Variants in DCUN1D2 observed in about 807,000 individuals in gnomAD.
The protein encoded by DCUN1D2 is DCN1-like protein 2.
A neutral mutation model predicts 30.9 loss-of-function variants in DCUN1D2; 29 were observed. The ratio of observed to expected loss-of-function variants is 0.94; its 90% CI spans 0.70 to 1.28. The LOEUF (loss-of-function observed/expected upper bound fraction) is 1.28, where lower values mean the gene tolerates loss of function less well. DCUN1D2 is among the 50% of genes most tolerant of loss of function. The probability of loss-of-function intolerance (pLI) is 0.00; values close to 1 mark genes in which losing one functional copy is unlikely to be tolerated. For synonymous variants in DCUN1D2, 121 were observed against 115.3 expected, an observed-to-expected ratio of 1.05 and a Z score of -0.32; for missense variants, 325 against 316.9, an observed-to-expected ratio of 1.03 and a Z score of -0.19.
At chr13:113,468,630 C>A (rs535772160) in intron 4 of DCUN1D2, among the ~76,000 whole-genome samples, 7 of 152,002 alleles carry the variant, frequency 4.6e-5, no homozygotes, top group Non-Finnish European at 1.0e-4. Flanking sequence ...TTCAGACAAG[C>A]GGCCTATGAG....
intron 1 of DCUN1D2, chr13:113,489,086 T>C (rs2044860746): frequency 1.0e-6 from 1 of 984,782 alleles, no homozygotes; most frequent in Middle Eastern, 5.2e-4. Flanking sequence ...TAGGGTCAAC[T>C]TACCCGGGGC....
chr13:113,481,567 T>C (rs2044707552), intron 2 of DCUN1D2, among the ~76,000 whole-genome samples: 1 of 152,226 alleles, frequency 6.6e-6, no homozygotes, highest in African/African-American at 2.4e-5. Flanking sequence ...AGTAGTATAC[T>C]ACCACATATA....
chr13:113,470,157 T>C (rs1366752877), intron 4 of DCUN1D2, among the ~76,000 whole-genome samples: 1 of 152,236 alleles, frequency 6.6e-6, no homozygotes, highest in Non-Finnish European at 1.5e-5. Flanking sequence ...TATGCTTCAG[T>C]GTGTTTGGAT....
upstream of DCUN1D2, chr13:113,490,747 C>T (rs1161763174): frequency 3.5e-6 from 4 of 1,152,172 alleles, no homozygotes; most frequent in Admixed American, 4.8e-5. The surrounding 1 kb of genome is among the most constrained non-coding windows in gnomAD (Gnocchi z 5.2). Context: ...CGTCCTCGGA[C>T]GGCCGCGGCC....
intron 4 of DCUN1D2, 89 bp downstream of exon 4, chr13:113,474,035 A>G: frequency 6.6e-7 from 1 of 1,514,984 alleles, no homozygotes; most frequent in Non-Finnish European, 9.0e-7. Flanking sequence ...CAAAAACATT[A>G]CAGTTGGCTG....
At chr13:113,491,457 A>G (rs1394858770), upstream of DCUN1D2, among the ~76,000 whole-genome samples, 1 of 56,030 alleles carries the variant, frequency 1.8e-5, no homozygotes, top group Non-Finnish European at 3.5e-5. Flanking sequence ...CGGGGCTCCC[A>G]TTCCCTTCTT....
At chr13:113,479,816 A>C (rs962711039) in intron 3 of DCUN1D2, among the ~76,000 whole-genome samples, 1 of 152,224 alleles carries the variant, frequency 6.6e-6, no homozygotes, top group Non-Finnish European at 1.5e-5. Context: ...TTATATTATC[A>C]AGTATTATAT....
At position 113,490,518 on chromosome 13, in the gene DCUN1D2, C is replaced by T. The variant is rs767241599; in HGVS notation, c.3+149G>A. 5 of 868,814 alleles carry T rather than the reference C, an allele frequency of 5.8e-6. No individual in the cohort carries two copies. The South Asian group carries it at 9.1e-5, about 16-fold the overall frequency. 53.8% of individuals were successfully genotyped at this position (868,814 alleles called of 1,614,324 possible). A position where few individuals can be genotyped will look rare whatever the true frequency, so the allele number is the denominator to read the frequency against. ...ACGCCACCGCTCCGGCTCGCGGGCC[C>T]GCGGCGCGTTCCTCCCTCGGATCCA... is the stretch of plus-strand genomic sequence containing the variant. On this transcript the variant is annotated intron_variant, in intron 1 of 6. Coordinates refer to ENST00000478244, the MANE Select transcript of DCUN1D2 (RefSeq NM_001014283.2). The surrounding 1 kb of genome is among the most constrained non-coding windows in gnomAD (Gnocchi z 5.2).
Position 113,480,691 on chromosome 13 carries a change from A to C in DCUN1D2, c.273T>G (p.Asp91Glu). ...IGVDGIQQFC[D>E]DLSLDPASIS... ...TACTGGCAGGATCCAGGCTCAGATC[A>C]TCACAAAACTGTTGAATCCCATCGA... The change falls in exon 3 of 7, where the codon GAT (aspartate) becomes GAG (glutamate). Residue 91 changes from aspartate to glutamate, a missense_variant. Asp to Glu is a conservative substitution (Grantham distance 45, BLOSUM62 2). Transcript: ENST00000478244. The C allele has an allele frequency of 6.2e-7, 1 of 1,614,210 alleles. No homozygotes were observed. Among genetic ancestry groups the C allele is most frequent in the Non-Finnish European group, 8.5e-7 (1 of 1,180,028 alleles).
At chr13:113,463,956 C>T (rs2044360854) in intron 4 of DCUN1D2, among the ~76,000 whole-genome samples, 1 of 152,210 alleles carries the variant, frequency 6.6e-6, no homozygotes, top group Non-Finnish European at 1.5e-5. Context: ...TAATTCCTCA[C>T]AAGACCGACC....
intron 4 of DCUN1D2, among the ~76,000 whole-genome samples, chr13:113,469,509 G>A (rs1303053670): frequency 1.3e-5 from 2 of 151,648 alleles, no homozygotes; most frequent in Non-Finnish European, 2.9e-5. Context: ...GTAAAACTCC[G>A]TCCCTCCAAA....
intron 4 of DCUN1D2, among the ~76,000 whole-genome samples, chr13:113,469,208 C>T (rs1046553354): frequency 9.2e-5 from 14 of 151,940 alleles, no homozygotes; most frequent in African/African-American, 3.4e-4. Context: ...CGAAAAGCTG[C>T]CCCGAACCAT....
chr13:113,485,168 C>T (rs542003604), intron 1 of DCUN1D2, among the ~76,000 whole-genome samples: 1 of 152,092 alleles, frequency 6.6e-6, no homozygotes, highest in Non-Finnish European at 1.5e-5. Context: ...TCTCTAAATC[C>T]AAACAGACCC....
At chr13:113,474,350 T>A in intron 3 of DCUN1D2, 96 bp from the exon 4 acceptor site, 1 of 1,499,878 alleles carries the variant, frequency 6.7e-7, no homozygotes, top group Admixed American at 2.0e-5. Context: ...GGCACGCAGC[T>A]CCAGCTGGAG....
chr13:113,489,920 C>A (rs1314484305), intron 1 of DCUN1D2, among the ~76,000 whole-genome samples: 1 of 152,150 alleles, frequency 6.6e-6, no homozygotes, highest in Non-Finnish European at 1.5e-5. Context: ...TGGTGCCTGT[C>A]TCCCCTGCTG....
At chr13:113,462,768 A>T (rs2044339470) in intron 4 of DCUN1D2, 9 of 1,070,822 alleles carry the variant, frequency 8.4e-6, no homozygotes, top group Non-Finnish European at 1.0e-5. Context: ...AATGCTAAGA[A>T]GATGATTAGT....
chr13:113,480,448 A>AT lies in DCUN1D2; in HGVS notation c.389+126dup, dbSNP rs146872103. On this transcript the variant is annotated intron_variant, in intron 3 of 6. Coordinates refer to ENST00000478244, the MANE Select transcript of DCUN1D2 (RefSeq NM_001014283.2). ...TTGATAGTGCGGAGAGTACAGACGC[A>AT]TAAGAAATTTTAAAGATACACAAAG... is the stretch of plus-strand genomic sequence containing the variant. 2,989 of 966,714 alleles carry AT rather than the reference A, an allele frequency of 3.1e-3. 61 individuals carry two copies. In the African/African-American group the frequency reaches 0.043, roughly 14 times the overall value. The allele number at this position is 966,714 out of a possible 1,614,324, so 59.9% of individuals were successfully genotyped here.
At chr13:113,490,888 G>C (rs532686639), upstream of DCUN1D2, 1 of 266,768 alleles carries the variant, frequency 3.7e-6, no homozygotes, top group Non-Finnish European at 6.6e-6. This position sits in a 1 kb window ranked among gnomAD's most constrained non-coding sequence, Gnocchi z 5.2. Context: ...GAGGGCCTTG[G>C]CTCGCCCCTG....
At chr13:113,474,650 A>G (rs2044582863) in intron 3 of DCUN1D2, among the ~76,000 whole-genome samples, 1 of 152,194 alleles carries the variant, frequency 6.6e-6, no homozygotes, top group Non-Finnish European at 1.5e-5. Context: ...GCGTGGTCTA[A>G]CTTGGTAGCT....
Sources: gnomAD v4.1 joint callset for allele counts (sites outside exome capture counted in the v4.1 genomes callset) on GRCh38, gnomAD v4.1.1 for gene constraint, Gnocchi (gnomAD v3.1) non-coding constraint, MANE v1.5 for transcripts, NCBI Gene and HGNC (gene_info 2026-07-23, HGNC 2026-07-21) for gene names.